Variants in CFAP161 observed in about 807,000 individuals in gnomAD.
The protein encoded by CFAP161 is cilia and flagella associated protein 161.
Under a neutral mutation model 29.0 loss-of-function variants are expected in CFAP161, and 25 were observed. That is an observed-to-expected ratio of 0.86 (90% CI 0.63 to 1.20). The LOEUF (loss-of-function observed/expected upper bound fraction) is 1.20. Among genes scored for constraint, CFAP161 ranks in the 50% most tolerant of loss-of-function variants. The probability of loss-of-function intolerance (pLI) is 0.00; values close to 1 mark genes in which losing one functional copy is unlikely to be tolerated. For missense variants in CFAP161, 367 were observed against 371.9 expected (o/e 0.99, Z 0.11); for synonymous variants, 116 against 137.4 (o/e 0.84, Z 1.09).
rs374112195 is a variant in CFAP161, at chr15:81,148,434, G to T, written c.807G>T (p.Gly269=). 230 of 1,614,148 alleles carry T rather than the reference G, an allele frequency of 1.4e-4. No homozygotes were observed. The Middle Eastern group carries it at 2.3e-3, about 16-fold the overall frequency. ...KPRNHWMLVT[G]NPRDASSSML... is the part of the protein sequence containing the mutation. ...GGAACCACTGGATGTTGGTTACTGG[G>T]AATCCCAGGGATGCCTCGTCCTCCA... Residue 269 remains glycine (G), a synonymous_variant, in exon 7 of 7, where the codon GGG becomes GGT. Coordinates refer to ENST00000286732, the MANE Select transcript of CFAP161 (RefSeq NM_173528.4).
At position 81,143,783 on chromosome 15, in the gene CFAP161, C is replaced by G; in HGVS notation, c.599C>G (p.Pro200Arg). 6.2e-7 allele frequency: 1 copy of G among 1,614,108 alleles called. No homozygotes were observed. The highest frequency in any genetic ancestry group is 8.5e-7 in the Non-Finnish European group (1 of 1,180,008). The change falls in exon 5 of 7, where the codon CCC becomes CGC. Residue 200 changes from proline to arginine, a missense_variant. By Grantham distance (103) the Pro-to-Arg change is moderately radical. Coordinates refer to ENST00000286732, the MANE Select transcript of CFAP161 (RefSeq NM_173528.4). Reference protein sequence around the residue: ...VNCWQAAFPDPQLRLEYEGFP... With the variant: ...VNCWQAAFPDRQLRLEYEGFP... ...TGCTGGCAGGCTGCCTTCCCTGACC[C>G]CCAGTTACGCCTGGAATATGAAGGC... is the stretch of plus-strand genomic sequence containing the variant.
chr15:81,112,435 T>G (rs372761851), intron 1 of CFAP161, among the ~76,000 whole-genome samples: 15 of 152,272 alleles, frequency 9.9e-5, no homozygotes, highest in African/African-American at 2.6e-4. Flanking sequence ...AAGAGCTTCA[T>G]CAAATAATGA....
At chr15:81,110,767 T>A (rs2141863035) in intron 1 of CFAP161, among the ~76,000 whole-genome samples, 1 of 152,250 alleles carries the variant, frequency 6.6e-6, no homozygotes, top group South Asian at 2.1e-4. Flanking sequence ...CACCAGATGA[T>A]CAAGGGCACT....
chr15:81,146,885 T>TG, intron 5 of CFAP161, among the ~76,000 whole-genome samples: 1 of 119,528 alleles, frequency 8.4e-6, no homozygotes, highest in Non-Finnish European at 1.8e-5. Context: ...TATATATATT[T>TG]AAAAAGCTAC....
chr15:81,115,818 T>C (rs2141865584), intron 1 of CFAP161, among the ~76,000 whole-genome samples: 1 of 151,656 alleles, frequency 6.6e-6, no homozygotes, highest in Admixed American at 6.6e-5. Context: ...TAGCTGGGAC[T>C]ACAGCAGGTA....
At chr15:81,114,653 A>C (rs1375064668) in intron 1 of CFAP161, among the ~76,000 whole-genome samples, 1 of 152,108 alleles carries the variant, frequency 6.6e-6, no homozygotes, top group African/African-American at 2.4e-5. Context: ...GTAGAGGAAG[A>C]CGAGGGTTTT....
chr15:81,131,341 G>A (rs935319022), upstream of CFAP161, among the ~76,000 whole-genome samples: 12 of 152,034 alleles, frequency 7.9e-5, no homozygotes, highest in Non-Finnish European at 5.9e-5. Context: ...CTTTGACAGA[G>A]CCCAGATGTT....
intron 1 of CFAP161, among the ~76,000 whole-genome samples, chr15:81,108,043 T>C (rs1894395215): frequency 6.6e-6 from 1 of 152,138 alleles, no homozygotes; most frequent in African/African-American, 2.4e-5. Flanking sequence ...TCTTCTCCCA[T>C]CAGCTTAAGG....
intron 1 of CFAP161, among the ~76,000 whole-genome samples, chr15:81,111,003 A>T (rs1482198830): frequency 6.6e-6 from 1 of 152,242 alleles, no homozygotes; most frequent in African/African-American, 2.4e-5. Flanking sequence ...AGAGAATAGG[A>T]ATACGTGCCT....
chr15:81,137,294 G>T (rs1264930035), intron 3 of CFAP161, among the ~76,000 whole-genome samples: 1 of 152,132 alleles, frequency 6.6e-6, no homozygotes. Context: ...TGTAAGCATT[G>T]CAAGAATATA....
chr15:81,128,341 G>A (rs1046209797), intron 2 of CFAP161, among the ~76,000 whole-genome samples: 6 of 152,154 alleles, frequency 3.9e-5, no homozygotes, highest in African/African-American at 7.2e-5. Context: ...AAACCCTGCT[G>A]CTGCCTTATC....
chr15:81,138,873 G>A (rs779539285), intron 4 of CFAP161, among the ~76,000 whole-genome samples: 4 of 152,264 alleles, frequency 2.6e-5, no homozygotes. Flanking sequence ...AAGAGGTTAA[G>A]TGATTTCTGA....
chr15:81,136,474 G>T, intron 2 of CFAP161, 42 bp from the exon 3 acceptor site: 2 of 1,567,472 alleles, frequency 1.3e-6, no homozygotes, highest in Non-Finnish European at 1.8e-6. Context: ...AACTGTTGAG[G>T]AATTGCATGG....
At chr15:81,145,645 A>G (rs1276178338) in intron 5 of CFAP161, among the ~76,000 whole-genome samples, 1 of 152,204 alleles carries the variant, frequency 6.6e-6, no homozygotes, top group Non-Finnish European at 1.5e-5. Context: ...TCACTGAGAC[A>G]TGGTTACACA....
At chr15:81,133,738 G>T (rs1328345791), upstream of CFAP161, among the ~76,000 whole-genome samples, 1 of 152,046 alleles carries the variant, frequency 6.6e-6, no homozygotes, top group Non-Finnish European at 1.5e-5. Flanking sequence ...GCAAAAATAT[G>T]GACAACCTCA....
rs116987975 is a variant in CFAP161, at chr15:81,122,843, T to C, written c.-141-4747T>C. Among the ~76,000 whole-genome samples, 459 of 152,244 alleles carry C rather than the reference T, an allele frequency of 3.0e-3. 18 individuals are homozygous for C. In the East Asian group the frequency reaches 0.08, roughly 27 times the overall value. ...TGGCCTGATGTATATCTTCTTTTGA[T>C]AAGTGTCTGCTCATGTCTTTTACCC... On this transcript the variant is annotated intron_variant, in intron 1 of 4. Coordinates refer to the CFAP161 transcript ENST00000560091.
At chr15:81,109,775 T>C (rs1455599758) in intron 1 of CFAP161, among the ~76,000 whole-genome samples, 1 of 152,238 alleles carries the variant, frequency 6.6e-6, no homozygotes, top group Non-Finnish European at 1.5e-5. Context: ...TTAATGTCAA[T>C]TCTCTTTAAT....
chr15:81,112,881 T>G (rs1894455245), intron 1 of CFAP161, among the ~76,000 whole-genome samples: 1 of 152,220 alleles, frequency 6.6e-6, no homozygotes, highest in South Asian at 2.1e-4. Flanking sequence ...AGGTGAGTGG[T>G]GGCCTGATTT....
chr15:81,139,022 C>G (rs1894860011), intron 4 of CFAP161, among the ~76,000 whole-genome samples: 1 of 152,196 alleles, frequency 6.6e-6, no homozygotes, highest in Non-Finnish European at 1.5e-5. Flanking sequence ...ATGCTGCCTG[C>G]TGGGTGCAGC....
Sources: gnomAD v4.1 joint callset for allele counts (sites outside exome capture counted in the v4.1 genomes callset) on GRCh38, gnomAD v4.1.1 for gene constraint, MANE v1.5 for transcripts, NCBI Gene and HGNC (gene_info 2026-07-23, HGNC 2026-07-21) for gene names.